Variants in TENM2 observed in about 807,000 individuals in gnomAD.
TENM2 encodes the protein teneurin-2.
In TENM2, 52 loss-of-function variants were observed where a neutral mutation model predicts 245.2. That is an observed-to-expected ratio of 0.21 (90% CI 0.17 to 0.27). TENM2 has a LOEUF of 0.27. Among genes scored for constraint, TENM2 ranks in the 10% least tolerant of loss-of-function variants. TENM2 has a pLI of 1.00. For missense variants in TENM2, 3,046 were observed against 3,666.8 expected, an observed-to-expected ratio of 0.83 and a Z score of 4.37; for synonymous variants, 1,363 against 1,438.9, an observed-to-expected ratio of 0.95 and a Z score of 1.19.
chr5:167,268,434 G>A, the TENM2 span, among the ~76,000 whole-genome samples: 1 of 152,102 alleles, frequency 6.6e-6, no homozygotes, highest in Non-Finnish European at 1.5e-5. Context: ...AATTTATTTT[G>A]TTACATTGTA....
chr5:168,086,777 G>T (rs1395985440), intron 7 of TENM2, among the ~76,000 whole-genome samples: 2 of 152,246 alleles, frequency 1.3e-5, no homozygotes, highest in Non-Finnish European at 2.9e-5. Context: ...TCCTAGAACA[G>T]AGGAGCCAGA....
chr5:167,686,458 C>A (rs1287738437), intron 2 of TENM2, among the ~76,000 whole-genome samples: 1 of 152,114 alleles, frequency 6.6e-6, no homozygotes, highest in Non-Finnish European at 1.5e-5. Context: ...TGTGTAGTTA[C>A]TTGGGGACCT....
chr5:167,829,276 ACC>A (rs1768258028), intron 2 of TENM2, among the ~76,000 whole-genome samples: 1 of 152,258 alleles, frequency 6.6e-6, no homozygotes, highest in African/African-American at 2.4e-5. Context: ...ACAGTGAGAC[ACC>A]AGCCTTAAAG....
chr5:168,213,588 G>A (rs1454255914), intron 20 of TENM2, among the ~76,000 whole-genome samples: 1 of 151,906 alleles, frequency 6.6e-6, no homozygotes, highest in Non-Finnish European at 1.5e-5. Flanking sequence ...ACTTAGGGAA[G>A]CCAAGGCAGG....
chr5:168,127,141 C>T (rs568386922), intron 12 of TENM2, among the ~76,000 whole-genome samples, 175 bp downstream of exon 14: 27 of 152,188 alleles, frequency 1.8e-4, no homozygotes, highest in Non-Finnish European at 3.4e-4. Flanking sequence ...GCTTTTCCTT[C>T]TTTCCAGGAT....
the TENM2 span, among the ~76,000 whole-genome samples, chr5:167,086,703 C>G: frequency 1.3e-5 from 2 of 152,092 alleles, no homozygotes; most frequent in African/African-American, 2.4e-5. Flanking sequence ...GCATCTATTG[C>G]ATCTGTAGTT....
chr5:167,726,346 A>G (rs1184003854), intron 2 of TENM2, among the ~76,000 whole-genome samples: 1 of 152,128 alleles, frequency 6.6e-6, no homozygotes, highest in Non-Finnish European at 1.5e-5. Context: ...GATTTCTATA[A>G]TAGAAAGAAG....
At position 167,848,778 on chromosome 5, in the gene TENM2, G is replaced by A. The variant is rs1197300661; in HGVS notation, c.503-27208G>A. Among the ~76,000 whole-genome samples the A allele has an allele frequency of 2.0e-5, 3 of 152,182 alleles. No homozygotes were observed. In the East Asian group the frequency reaches 5.8e-4, roughly 29 times the overall value. The stretch of plus-strand genomic sequence containing the variant: ...GGTTGATTTAAAAACTGTCAGAGAG[G>A]TTGGTTTCCTTGATGAAAAATTTGG... On this transcript the variant is annotated intron_variant, in intron 2 of 28. Coordinates refer to ENST00000518659, the Ensembl canonical transcript of TENM2.
intron 2 of TENM2, among the ~76,000 whole-genome samples, chr5:167,744,893 G>A (rs914422103): frequency 1.3e-5 from 2 of 152,182 alleles, no homozygotes; most frequent in African/African-American, 4.8e-5. Context: ...AGGACCTATA[G>A]ATTTTAATAT....
At chr5:168,016,422 C>T (rs779813044) in intron 5 of TENM2, among the ~76,000 whole-genome samples, 1 of 152,222 alleles carries the variant, frequency 6.6e-6, no homozygotes, top group Non-Finnish European at 1.5e-5. Context: ...TGAGTTCCTG[C>T]AACATTTCAA....
chr5:167,878,661 G>T lies in TENM2; in HGVS notation c.712+2466G>T, dbSNP rs141952326. ...CAAATTGGGGATTCTATCAAGATTT[G>T]AATGCAGTTGTCATGAATTTAAATT... is the stretch of plus-strand genomic sequence containing the variant. On this transcript the variant is annotated intron_variant, in intron 3 of 28. Transcript: ENST00000518659. Among the ~76,000 whole-genome samples, 852 of 152,116 alleles carry T rather than the reference G, an allele frequency of 5.6e-3. 13 individuals are homozygous for T. The highest frequency in any genetic ancestry group is 0.019 in the African/African-American group (805 of 41,454).
chr5:167,913,956 G>T (rs543417427), intron 3 of TENM2, among the ~76,000 whole-genome samples: 2 of 152,210 alleles, frequency 1.3e-5, no homozygotes, highest in African/African-American at 4.8e-5. Context: ...GCTAAGAATG[G>T]TGCCTGCGTC....
chr5:167,737,563 G>A (rs1561722289), intron 2 of TENM2, among the ~76,000 whole-genome samples: 1 of 152,154 alleles, frequency 6.6e-6, no homozygotes, highest in East Asian at 1.9e-4. Context: ...TACCCGCTGA[G>A]GGTCCAGTCC....
intron 4 of TENM2, among the ~76,000 whole-genome samples, chr5:167,991,849 C>G (rs969054390): frequency 6.6e-6 from 1 of 152,150 alleles, no homozygotes; most frequent in African/African-American, 2.4e-5. Context: ...CAGGTTTTAT[C>G]GAAAGACAGA....
chr5:167,909,447 A>AATT (rs1369999416), intron 3 of TENM2, among the ~76,000 whole-genome samples: 1 of 152,202 alleles, frequency 6.6e-6, no homozygotes, highest in Admixed American at 6.5e-5. Flanking sequence ...ATTTTATTGA[A>AATT]AGTATTGTTG....
intron 2 of TENM2, among the ~76,000 whole-genome samples, chr5:167,685,829 T>C (rs946184021): frequency 2.6e-5 from 4 of 152,162 alleles, no homozygotes; most frequent in African/African-American, 9.7e-5. Flanking sequence ...ATAGAGGGCG[T>C]GCAGCACCAA....
intron 1 of TENM2, among the ~76,000 whole-genome samples, chr5:167,337,139 AAAAAAAAAAAAAAATC>A: frequency 6.6e-6 from 1 of 150,976 alleles, no homozygotes; most frequent in African/African-American, 2.4e-5. Flanking sequence ...AAAAAAAAAA[AAAAAAAAAAAAAAATC>A]AAAAATCTGA....
At chr5:167,245,476 A>G in the TENM2 span, among the ~76,000 whole-genome samples, 3 of 151,582 alleles carry the variant, frequency 2.0e-5, no homozygotes, top group Admixed American at 6.6e-5. Flanking sequence ...AATATTTCAA[A>G]TGTGCATATA....
chr5:167,091,437 A>G, the TENM2 span, among the ~76,000 whole-genome samples: 1 of 152,200 alleles, frequency 6.6e-6, no homozygotes, highest in South Asian at 2.1e-4. Flanking sequence ...GAACTAAAAC[A>G]TGTGTTTAAC....
Sources: gnomAD v4.1 joint callset for allele counts (sites outside exome capture counted in the v4.1 genomes callset) on GRCh38, gnomAD v4.1.1 for gene constraint, MANE v1.5 for transcripts, NCBI Gene and HGNC (gene_info 2026-07-23, HGNC 2026-07-21) for gene names.